RAB33A: variants seen among roughly 807,000 people sequenced by gnomAD.
The protein encoded by RAB33A is RAB33A, member RAS oncogene family.
RAB33A carries 6 observed loss-of-function variants against 12.0 expected under a neutral mutation model. The ratio of observed to expected loss-of-function variants is 0.50; its 90% CI spans 0.27 to 0.99. The LOEUF (loss-of-function observed/expected upper bound fraction) is 0.99. RAB33A is among the 50% of genes least tolerant of loss of function. The pLI is 0.11. For missense variants in RAB33A, 109 were observed against 192.0 expected (o/e 0.57, Z 2.55); for synonymous variants, 70 against 82.4 (o/e 0.85, Z 0.81).
chrX:130,171,091 C>T (rs779021357), upstream of RAB33A, among the ~76,000 whole-genome samples: 1 of 113,225 alleles, frequency 8.8e-6, no homozygotes, highest in South Asian at 3.6e-4. Context: ...ATGTTGGCGC[C>T]TGGTACGCGC....
chrX:130,161,764 C>T, the RAB33A span, among the ~76,000 whole-genome samples: 9 of 109,496 alleles, frequency 8.2e-5, no homozygotes, highest in Admixed American at 2.0e-4. Context: ...TGTGCCACCA[C>T]GCTTGGCTAA....
the RAB33A span, among the ~76,000 whole-genome samples, chrX:130,113,457 C>T: frequency 9.8e-6 from 1 of 102,412 alleles, no homozygotes; most frequent in African/African-American, 3.7e-5. Context: ...GAATTTCACT[C>T]TTCTTGCCCA....
chrX:130,139,796 T>C, the RAB33A span: 1 of 1,208,019 alleles, frequency 8.3e-7, no homozygotes, highest in Admixed American at 2.2e-5. Context: ...GACAATTACC[T>C]TTCTGAAAAG....
At chrX:130,160,686 G>A in the RAB33A span, among the ~76,000 whole-genome samples, 1 of 111,352 alleles carries the variant, frequency 9.0e-6, no homozygotes, top group South Asian at 3.7e-4. Context: ...CAGAATAGCT[G>A]GGACTACAGG....
chrX:130,131,695 T>C, the RAB33A span: 1 of 1,211,814 alleles, frequency 8.3e-7, no homozygotes, highest in Admixed American at 2.2e-5. Flanking sequence ...TGTGGCAGAT[T>C]TGGGGTTGTC....
the RAB33A span, chrX:130,137,049 G>A: frequency 8.3e-7 from 1 of 1,209,322 alleles, no homozygotes; most frequent in South Asian, 1.8e-5. Flanking sequence ...AGGAAATAGA[G>A]TGGCAGCATA....
chrX:130,152,163 G>A, the RAB33A span, among the ~76,000 whole-genome samples: 1 of 111,736 alleles, frequency 8.9e-6, no homozygotes, highest in African/African-American at 3.2e-5. Flanking sequence ...TACCTAAAAA[G>A]ATGGCTTACT....
At chrX:130,139,626 T>C in the RAB33A span, among the ~76,000 whole-genome samples, 37 of 110,910 alleles carry the variant, frequency 3.3e-4, no homozygotes, top group Non-Finnish European at 2.8e-4. Flanking sequence ...GAGTGAGGTA[T>C]CTGAGGTGCA....
chrX:130,126,496 G>GAA, the RAB33A span, among the ~76,000 whole-genome samples: 21 of 98,720 alleles, frequency 2.1e-4, no homozygotes, highest in South Asian at 9.3e-4. Context: ...ATCTCAAAAA[G>GAA]AAAAAAAAAA....
At chrX:130,169,259 A>AT (rs2031580219), upstream of RAB33A, among the ~76,000 whole-genome samples, 1 of 110,370 alleles carries the variant, frequency 9.1e-6, no homozygotes, top group African/African-American at 3.3e-5. Flanking sequence ...AATTATTTAT[A>AT]TTTACTTAAC....
chrX:130,120,795 G>A, the RAB33A span, among the ~76,000 whole-genome samples: 1 of 112,549 alleles, frequency 8.9e-6, no homozygotes, highest in Non-Finnish European at 1.9e-5. Flanking sequence ...CTAGGCTCGC[G>A]CGCCTTCCAA....
chrX:130,148,738 C>T, the RAB33A span, among the ~76,000 whole-genome samples: 19 of 89,812 alleles, frequency 2.1e-4, no homozygotes, highest in African/African-American at 4.7e-4. Flanking sequence ...GAGGCTGAGG[C>T]GGGAGAATTG....
the RAB33A span, among the ~76,000 whole-genome samples, chrX:130,133,808 T>C: frequency 9.2e-6 from 1 of 108,804 alleles, no homozygotes; most frequent in Non-Finnish European, 1.9e-5. Flanking sequence ...TTTTTTTTTT[T>C]TTTGGTAGAG....
the RAB33A span, among the ~76,000 whole-genome samples, chrX:130,112,045 G>GC: frequency 8.9e-6 from 1 of 111,739 alleles, no homozygotes. Flanking sequence ...TCCAGCATCG[G>GC]CCTGCTTCTC....
At chrX:130,129,888 T>A in the RAB33A span, 1 of 1,133,162 alleles carries the variant, frequency 8.8e-7, no homozygotes, top group Non-Finnish European at 1.2e-6. Context: ...GGACAATGCA[T>A]CTCAGGGCAC....
the RAB33A span, among the ~76,000 whole-genome samples, chrX:130,162,197 C>T: frequency 8.9e-6 from 1 of 112,026 alleles, no homozygotes; most frequent in South Asian, 3.7e-4. Context: ...AGGAGAATGG[C>T]TGCTACTATT....
chrX:130,156,493 C>A, the RAB33A span: 1 of 1,211,750 alleles, frequency 8.3e-7, no homozygotes. Context: ...GATAAGCCCA[C>A]AATAAGGACT....
At chrX:130,181,798 T>A (rs1288232021) in intron 1 of RAB33A, among the ~76,000 whole-genome samples, 2 of 108,651 alleles carry the variant, frequency 1.8e-5, no homozygotes, top group African/African-American at 6.7e-5. Context: ...AATACAAAAA[T>A]TAGCTGGGCA....
At chrX:130,170,510 G>A (rs1284085267), upstream of RAB33A, among the ~76,000 whole-genome samples, 1 of 112,334 alleles carries the variant, frequency 8.9e-6, no homozygotes, top group African/African-American at 3.2e-5. Context: ...GCACTTTATC[G>A]TATGTAAATT....
Sources: gnomAD v4.1 joint callset for allele counts (sites outside exome capture counted in the v4.1 genomes callset) on GRCh38, gnomAD v4.1.1 for gene constraint, MANE v1.5 for transcripts, NCBI Gene and HGNC (gene_info 2026-07-23, HGNC 2026-07-21) for gene names.